Variants in SLCO5A1 observed in about 807,000 individuals in gnomAD.
SLCO5A1 encodes organic anion transporter polypeptide-related protein 4.
In SLCO5A1, 39 loss-of-function variants were observed where a neutral mutation model predicts 65.1. The ratio of observed to expected loss-of-function variants is 0.60; its 90% CI spans 0.46 to 0.78. The LOEUF is 0.78. SLCO5A1 is among the 30% of genes least tolerant of loss of function. The probability of loss-of-function intolerance (pLI) is 0.00; values close to 1 mark genes in which losing one functional copy is unlikely to be tolerated. For missense variants in SLCO5A1, 1,029 were observed against 1,069.4 expected, an observed-to-expected ratio of 0.96 and a Z score of 0.53; for synonymous variants, 438 against 415.7, an observed-to-expected ratio of 1.05 and a Z score of -0.65.
intron 2 of SLCO5A1, among the ~76,000 whole-genome samples, chr8:69,768,104 G>A (rs181266583): frequency 6.6e-4 from 100 of 151,952 alleles, no homozygotes; most frequent in Non-Finnish European, 1.0e-3. Context: ...ATGGTGGCAC[G>A]CACCTGTAGT....
At chr8:69,753,095 G>T (rs183069953) in intron 4 of SLCO5A1, among the ~76,000 whole-genome samples, 1 of 152,274 alleles carries the variant, frequency 6.6e-6, no homozygotes, top group African/African-American at 2.4e-5. Context: ...TTTTGAACTT[G>T]CATATCTAAG....
chr8:69,744,304 T>C (rs1309272461), intron 4 of SLCO5A1, among the ~76,000 whole-genome samples: 1 of 152,236 alleles, frequency 6.6e-6, no homozygotes, highest in Non-Finnish European at 1.5e-5. Context: ...GGCTGCTGCC[T>C]GCCCTTCCAC....
At chr8:69,821,306 C>T (rs1443694743) in intron 2 of SLCO5A1, among the ~76,000 whole-genome samples, 1 of 151,880 alleles carries the variant, frequency 6.6e-6, no homozygotes, top group Non-Finnish European at 1.5e-5. Context: ...TTGCAGTGAG[C>T]TCAGATCAGC....
intron 2 of SLCO5A1, among the ~76,000 whole-genome samples, chr8:69,822,754 C>G (rs189468087): frequency 2.4e-4 from 37 of 152,322 alleles, no homozygotes; most frequent in Admixed American, 2.4e-3. Flanking sequence ...GTAGTAATCC[C>G]CAGGTGGAAA....
intron 8 of SLCO5A1, among the ~76,000 whole-genome samples, chr8:69,678,428 G>A (rs1677209868): frequency 6.6e-6 from 1 of 152,090 alleles, no homozygotes. Context: ...TCCAGAAGAA[G>A]GTCTTCAAGA....
chr8:69,704,374 C>T (rs1814878564), intron 6 of SLCO5A1, among the ~76,000 whole-genome samples: 1 of 152,206 alleles, frequency 6.6e-6, no homozygotes, highest in South Asian at 2.1e-4. Flanking sequence ...AATGCTCAGC[C>T]TGCAATACAG....
intron 4 of SLCO5A1, among the ~76,000 whole-genome samples, chr8:69,753,809 G>C (rs1236233364): frequency 6.6e-6 from 1 of 151,326 alleles, no homozygotes; most frequent in South Asian, 2.1e-4. Flanking sequence ...TCAGGAGCTC[G>C]AGACCAGCCT....
intron 2 of SLCO5A1, among the ~76,000 whole-genome samples, chr8:69,810,531 G>A (rs1026427427): frequency 6.6e-6 from 1 of 152,324 alleles, no homozygotes; most frequent in East Asian, 1.9e-4. Context: ...TGGCGTGAGT[G>A]ATGTTGGCCA....
At chr8:69,727,901 G>A (rs1468422788) in intron 5 of SLCO5A1, among the ~76,000 whole-genome samples, 1 of 152,144 alleles carries the variant, frequency 6.6e-6, no homozygotes, top group Non-Finnish European at 1.5e-5. Context: ...CAGCTTCTCT[G>A]CCAGCGCAAA....
At chr8:69,830,885 A>G (rs554330309) in intron 2 of SLCO5A1, among the ~76,000 whole-genome samples, 1 of 152,364 alleles carries the variant, frequency 6.6e-6, no homozygotes, top group East Asian at 1.9e-4. Flanking sequence ...AGCAATAAAA[A>G]TAGCTTTGGA....
At chr8:69,779,416 T>G (rs539116042) in intron 2 of SLCO5A1, among the ~76,000 whole-genome samples, 1 of 152,334 alleles carries the variant, frequency 6.6e-6, no homozygotes, top group East Asian at 1.9e-4. Context: ...AAAATTTATT[T>G]GTAAAATCAA....
At chr8:69,792,584 C>A (rs1335419960) in intron 2 of SLCO5A1, among the ~76,000 whole-genome samples, 1 of 151,972 alleles carries the variant, frequency 6.6e-6, no homozygotes, top group Non-Finnish European at 1.5e-5. Flanking sequence ...TAAAAGGAAC[C>A]CGATGGATAA....
intron 6 of SLCO5A1, among the ~76,000 whole-genome samples, chr8:69,702,982 T>C (rs1814810328): frequency 6.6e-6 from 1 of 151,598 alleles, no homozygotes; most frequent in Admixed American, 6.6e-5. Flanking sequence ...TGGTGGTGCA[T>C]GCCTGTAGAC....
intron 2 of SLCO5A1, among the ~76,000 whole-genome samples, chr8:69,766,653 C>A (rs1818071624): frequency 6.6e-6 from 1 of 152,200 alleles, no homozygotes. Context: ...ATGGCCACCT[C>A]AACTAAAAAT....
At chr8:69,677,152 A>C (rs571616220) in intron 8 of SLCO5A1, among the ~76,000 whole-genome samples, 1 of 152,354 alleles carries the variant, frequency 6.6e-6, no homozygotes, top group East Asian at 1.9e-4. Context: ...AGAGTAAAGA[A>C]TAAAAGTATA....
chr8:69,823,648 G>C (rs1422441839), intron 2 of SLCO5A1, among the ~76,000 whole-genome samples: 1 of 152,096 alleles, frequency 6.6e-6, no homozygotes, highest in Non-Finnish European at 1.5e-5. Flanking sequence ...GACCTACAAA[G>C]AGACTTAGAC....
chr8:69,694,695 T>C (rs1814423981), intron 6 of SLCO5A1, among the ~76,000 whole-genome samples: 1 of 152,230 alleles, frequency 6.6e-6, no homozygotes, highest in South Asian at 2.1e-4. Flanking sequence ...AGTAGTGTTT[T>C]CATTAAGTCA....
chr8:69,782,111 T>C (rs567047249), intron 2 of SLCO5A1, among the ~76,000 whole-genome samples: 69 of 152,206 alleles, frequency 4.5e-4, no homozygotes, highest in African/African-American at 1.6e-3. Flanking sequence ...AAATACCTAA[T>C]GCATGTGGGG....
rs1243264099 is a variant in SLCO5A1, at chr8:69,761,772, G to A, written c.1011C>T (p.Asp337=). 31 of 1,613,748 alleles carry A rather than the reference G, an allele frequency of 1.9e-5. No homozygotes were observed. The highest frequency in any genetic ancestry group is 2.6e-5 in the Non-Finnish European group (31 of 1,179,958). The change falls in exon 3 of 10, where the codon GAC becomes GAT. Residue 337 remains aspartate, a synonymous_variant. Transcript: ENST00000260126. The part of the protein sequence containing the change: ...YVDPRNPVHL[D]QNDPRFIGNW... The stretch of plus-strand genomic sequence containing the variant: ...TTCCAATGAAACGAGGGTCATTCTG[G>A]TCAAGGTGAACAGGATTTCTGGGAT...
Sources: allele counts gnomAD v4.1 joint callset (sites outside exome capture counted in the v4.1 genomes callset), GRCh38; gene constraint gnomAD v4.1.1; transcripts MANE v1.5; gene names NCBI Gene and HGNC (gene_info 2026-07-23, HGNC 2026-07-21).